Variants in MSRB3 observed in about 807,000 individuals in gnomAD.
The protein encoded by MSRB3 is methionine sulfoxide reductase B3.
A neutral mutation model predicts 21.0 loss-of-function variants in MSRB3; 13 were observed. The observed-to-expected ratio is 0.62, with a 90% CI of 0.40 to 0.98. The LOEUF (loss-of-function observed/expected upper bound fraction) is 0.98. Among genes scored for constraint, MSRB3 ranks in the 50% least tolerant of loss-of-function variants. The pLI, the probability that MSRB3 is intolerant of heterozygous loss-of-function variation, is 0.00. For missense variants in MSRB3, 199 were observed against 230.3 expected (o/e 0.86, Z 0.88); for synonymous variants, 87 against 88.6 (o/e 0.98, Z 0.10).
intron 5 of MSRB3, among the ~76,000 whole-genome samples, chr12:65,403,154 C>T (rs776120360): frequency 4.3e-4 from 66 of 152,346 alleles, no homozygotes; most frequent in Non-Finnish European, 4.3e-4. Flanking sequence ...CTGCTGCTCT[C>T]TTCAGAGCTG....
chr12:65,445,558 A>G (rs921611872), intron 5 of MSRB3, among the ~76,000 whole-genome samples: 8 of 151,270 alleles, frequency 5.3e-5, no homozygotes, highest in African/African-American at 1.9e-4. Flanking sequence ...TTTTATTTGC[A>G]TTTTTATCTG....
intron 2 of MSRB3, among the ~76,000 whole-genome samples, chr12:65,324,772 A>G (rs1044838543): frequency 6.6e-6 from 1 of 152,224 alleles, no homozygotes; most frequent in Admixed American, 6.5e-5. Context: ...AAAAGCATCC[A>G]ATGTTAGGAA....
At position 65,308,536 on chromosome 12, in the gene MSRB3, C is replaced by T. The variant is rs761742812; in HGVS notation, c.-44C>T. 25 of 1,613,506 alleles carry T rather than the reference C, an allele frequency of 1.5e-5. No homozygotes were observed. The Admixed American group carries it at 4.0e-4, about 26-fold the overall frequency. ...GTTTTTTCTCCTACTCAGCTCTTGC[C>T]CCTGTTCTTTGCTTCTCGTTTTGTT... On this transcript the variant is annotated 5_prime_UTR_variant, in exon 2 of 7. Coordinates refer to ENST00000308259, the MANE Select transcript of MSRB3 (RefSeq NM_001031679.3).
intron 5 of MSRB3, among the ~76,000 whole-genome samples, chr12:65,403,202 A>G (rs563596717): frequency 1.1e-3 from 164 of 152,336 alleles, no homozygotes; most frequent in Non-Finnish European, 1.8e-3. Flanking sequence ...AGCTGTGCCC[A>G]CAGCAGCTCC....
intron 5 of MSRB3, among the ~76,000 whole-genome samples, chr12:65,421,127 T>C (rs1454670381): frequency 6.6e-6 from 1 of 152,214 alleles, no homozygotes; most frequent in East Asian, 1.9e-4. Flanking sequence ...TGCCAGCATG[T>C]TATATTTTAA....
intron 2 of MSRB3, among the ~76,000 whole-genome samples, chr12:65,313,060 G>C (rs1398743542): frequency 2.0e-5 from 3 of 152,126 alleles, no homozygotes; most frequent in Non-Finnish European, 4.4e-5. Context: ...CAGATTCAAT[G>C]CATGTTATCC....
intron 5 of MSRB3, among the ~76,000 whole-genome samples, chr12:65,400,420 AT>A: frequency 6.6e-6 from 1 of 152,106 alleles, no homozygotes; most frequent in Non-Finnish European, 1.5e-5. Context: ...GTATTCTCTG[AT>A]GGTAGTTTGT....
At chr12:65,379,197 T>TCCATCCATCCATCTAC in intron 5 of MSRB3, among the ~76,000 whole-genome samples, 1 of 151,912 alleles carries the variant, frequency 6.6e-6, no homozygotes, top group East Asian at 1.9e-4. Context: ...CATCCATCCA[T>TCCATCCATCCATCTAC]CCATCCATCC....
chr12:65,313,461 A>G (rs994294084), intron 2 of MSRB3, among the ~76,000 whole-genome samples: 3 of 152,070 alleles, frequency 2.0e-5, no homozygotes, highest in Non-Finnish European at 2.9e-5. Context: ...TAGTGCTTTG[A>G]TAAAAGTTAT....
At chr12:65,460,529 A>G (rs1057015359) in intron 6 of MSRB3, among the ~76,000 whole-genome samples, 3 of 152,128 alleles carry the variant, frequency 2.0e-5, no homozygotes, top group Admixed American at 2.0e-4. Context: ...ACACCTTTCT[A>G]TGTTTTGAGA....
intron 2 of MSRB3, among the ~76,000 whole-genome samples, chr12:65,315,507 T>TA (rs1160696894): frequency 6.6e-6 from 1 of 151,860 alleles, no homozygotes; most frequent in Non-Finnish European, 1.5e-5. Flanking sequence ...CTGTCTCTAC[T>TA]AAAAATACAA....
At chr12:65,324,827 T>C (rs1565833812) in intron 2 of MSRB3, among the ~76,000 whole-genome samples, 1 of 152,248 alleles carries the variant, frequency 6.6e-6, no homozygotes, top group Non-Finnish European at 1.5e-5. Flanking sequence ...GTTGCTTCTC[T>C]TGTACTAAAT....
In MSRB3 at chr12:65,290,151, T is replaced by C. The variant is rs1872594472; in HGVS notation, c.-52+11286T>C. Among the ~76,000 whole-genome samples the C allele has an allele frequency of 2.0e-5, 3 of 152,162 alleles. No individual in the cohort carries two copies. The South Asian group carries it at 6.2e-4, about 31-fold the overall frequency. ...TATTTAATAATAATAGTGATGATAA[T>C]AGTGATAATAATACCAACCACTTAC... On this transcript the variant is annotated intron_variant, in intron 1 of 6. Coordinates refer to ENST00000308259, the MANE Select transcript of MSRB3 (RefSeq NM_001031679.3).
intron 2 of MSRB3, among the ~76,000 whole-genome samples, chr12:65,316,501 T>C (rs1350537590): frequency 6.6e-6 from 1 of 152,184 alleles, no homozygotes; most frequent in Non-Finnish European, 1.5e-5. Context: ...TTTGTCTGTT[T>C]AGTTCACTGT....
chr12:65,352,146 A>G (rs1239678623), intron 4 of MSRB3, among the ~76,000 whole-genome samples: 3 of 152,196 alleles, frequency 2.0e-5, no homozygotes, highest in Admixed American at 6.6e-5. Context: ...CTGAGATGCA[A>G]GGCTGGTTCA....
At position 65,410,263 on chromosome 12, in the gene MSRB3, T is replaced by C. The variant is rs558728593; in HGVS notation, c.292+41237T>C. Among the ~76,000 whole-genome samples the C allele has an allele frequency of 2.6e-5, 4 of 152,326 alleles. No individual in the cohort carries two copies. In the East Asian group the frequency reaches 5.8e-4, roughly 22 times the overall value. ...ATCATCTTATTTTATCTGGTTGATATGTTTTTAGATTTATTTATGTTGTTT... is the reference window on the plus strand; with the variant it reads ...ATCATCTTATTTTATCTGGTTGATACGTTTTTAGATTTATTTATGTTGTTT... On this transcript the variant is annotated intron_variant, in intron 5 of 6. Transcript: ENST00000308259.
At chr12:65,349,049 C>G (rs1178684289) in intron 4 of MSRB3, among the ~76,000 whole-genome samples, 1 of 151,960 alleles carries the variant, frequency 6.6e-6, no homozygotes, top group African/African-American at 2.4e-5. Context: ...CCAGTGCTAT[C>G]CCTCCCCCTT....
At chr12:65,336,754 A>C (rs1285917525) in intron 4 of MSRB3, among the ~76,000 whole-genome samples, 1 of 152,276 alleles carries the variant, frequency 6.6e-6, no homozygotes, top group Admixed American at 6.5e-5. Flanking sequence ...CAAGTACTTC[A>C]GAGGTAATTC....
intron 4 of MSRB3, among the ~76,000 whole-genome samples, chr12:65,349,640 T>C (rs1479950380): frequency 2.0e-5 from 3 of 147,506 alleles, no homozygotes; most frequent in Non-Finnish European, 4.4e-5. Flanking sequence ...GGTTTTGATT[T>C]GCATTTCTCT....
Sources: allele counts gnomAD v4.1 joint callset (sites outside exome capture counted in the v4.1 genomes callset), GRCh38; gene constraint gnomAD v4.1.1; transcripts MANE v1.5; gene names NCBI Gene and HGNC (gene_info 2026-07-23, HGNC 2026-07-21).